Variants in GNAT3 observed in about 807,000 individuals in gnomAD.
GNAT3 encodes the protein guanine nucleotide-binding protein G(t) subunit alpha-3.
Under a neutral mutation model 37.7 loss-of-function variants are expected in GNAT3, and 31 were observed. That is an observed-to-expected ratio of 0.82 (90% CI 0.62 to 1.11). GNAT3 has a LOEUF of 1.11. Among genes scored for constraint, GNAT3 ranks in the 50% most tolerant of loss-of-function variants. The pLI, the probability that GNAT3 is intolerant of heterozygous loss-of-function variation, is 0.00. For missense variants in GNAT3, 437 were observed against 412.5 expected, an observed-to-expected ratio of 1.06 and a Z score of -0.51; for synonymous variants, 138 against 139.8, an observed-to-expected ratio of 0.99 and a Z score of 0.09.
At position 80,497,671 on chromosome 7, in the gene GNAT3, C is replaced by CAT. The variant is rs374712253; in HGVS notation, c.119-3026_119-3025dup. On this transcript the variant is annotated intron_variant, in intron 1 of 7. Coordinates refer to ENST00000398291, the MANE Select transcript of GNAT3 (RefSeq NM_001102386.3). ...ATACGTATATACATATACGTATATA[C>CAT]ATACATATATACACACACACTGTCT... Among the ~76,000 whole-genome samples, 355 of 90,942 alleles carry CAT rather than the reference C, an allele frequency of 3.9e-3. 44 individuals are homozygous for CAT. Among genetic ancestry groups the CAT allele is most frequent in the African/African-American group, 0.022 (208 of 9,328 alleles). The allele number at this position is 90,942 out of a possible 152,430, so 59.7% of individuals were successfully genotyped here. A position where few individuals can be genotyped will look rare whatever the true frequency, so the allele number is the denominator to read the frequency against.
In GNAT3 at chr7:80,459,345, G is replaced by A. The variant is rs190840698; in HGVS notation, c.875-484C>T. Among the ~76,000 whole-genome samples, 342 of 152,202 alleles carry A rather than the reference G, an allele frequency of 2.2e-3. 16 individuals carry two copies. In the South Asian group the frequency reaches 0.058, roughly 26 times the overall value. On this transcript the variant is annotated intron_variant, in intron 7 of 7. Coordinates refer to ENST00000398291, the MANE Select transcript of GNAT3 (RefSeq NM_001102386.3). Reference sequence around the variant, plus strand: ...TAGCACTAGACTTGAGGGTAGGGTCGGGAAACAGACTGAGCTTTGAAGAAT... The same window carrying A: ...TAGCACTAGACTTGAGGGTAGGGTCAGGAAACAGACTGAGCTTTGAAGAAT...
chr7:80,464,373 A>T (rs1040485064), intron 5 of GNAT3, among the ~76,000 whole-genome samples: 3 of 152,118 alleles, frequency 2.0e-5, no homozygotes, highest in Non-Finnish European at 4.4e-5. Context: ...AGCAAAGGTG[A>T]CAGAGGAAAC....
intron 4 of GNAT3, 124 bp from the exon 5 acceptor site, chr7:80,474,503 G>A (rs193069832): frequency 6.8e-5 from 26 of 380,440 alleles, no homozygotes; most frequent in African/African-American, 1.1e-4. Flanking sequence ...TTAACTTTGC[G>A]TTTGAAGAAA....
intron 3 of GNAT3, among the ~76,000 whole-genome samples, chr7:80,480,502 GGAC>G (rs1310652590): frequency 6.6e-6 from 1 of 152,016 alleles, no homozygotes; most frequent in Non-Finnish European, 1.5e-5. Flanking sequence ...AAAGAATTCA[GGAC>G]GAGTCCATAG....
intron 1 of GNAT3, among the ~76,000 whole-genome samples, chr7:80,506,923 CAT>C (rs1186198587): frequency 1.3e-5 from 2 of 151,996 alleles, no homozygotes; most frequent in Non-Finnish European, 2.9e-5. Flanking sequence ...AATACGATGT[CAT>C]TAACTGTAGC....
At chr7:80,486,655 T>TA (rs1790489642) in intron 3 of GNAT3, 1 of 132,934 alleles carries the variant, frequency 7.5e-6, no homozygotes, top group Non-Finnish European at 1.5e-5. Flanking sequence ...TTTTTTTTTT[T>TA]ATAGATACAG....
intron 1 of GNAT3, among the ~76,000 whole-genome samples, chr7:80,498,543 T>C (rs1790775555): frequency 6.6e-6 from 1 of 152,168 alleles, no homozygotes; most frequent in African/African-American, 2.4e-5. Context: ...TTTGGAACTC[T>C]ATTGCAAAGT....
chr7:80,474,521 T>C (rs1790273632), intron 4 of GNAT3, 142 bp from the exon 5 acceptor site: 2 of 375,650 alleles, frequency 5.3e-6, no homozygotes, highest in Non-Finnish European at 9.2e-6. Context: ...AAACCAGGAT[T>C]CAGTAGAAAT....
intron 2 of GNAT3, among the ~76,000 whole-genome samples, chr7:80,493,493 G>T (rs1790633662): frequency 6.6e-6 from 1 of 152,242 alleles, no homozygotes; most frequent in Non-Finnish European, 1.5e-5. Flanking sequence ...TTTCATTATT[G>T]ACTGGCAGGC....
chr7:80,512,012 G>A lies in GNAT3; in HGVS notation c.-86C>T. The A allele has an allele frequency of 1.2e-6, 1 of 852,414 alleles. No homozygotes were observed. The highest frequency in any genetic ancestry group is 1.9e-6 in the Non-Finnish European group (1 of 521,682). The allele number at this position is 852,414 out of a possible 1,614,324, so 52.8% of individuals were successfully genotyped here. ...TGTGGTTTGGACATAGGAGGCAAGA[G>A]TAATGCTCTGCTGAAGTACCTAGCA... On this transcript the variant is annotated 5_prime_UTR_variant, in exon 1 of 8. Transcript: ENST00000398291.
intron 5 of GNAT3, among the ~76,000 whole-genome samples, chr7:80,462,994 G>C (rs78183996): frequency 0.013 from 2,016 of 152,196 alleles, 54 homozygotes; most frequent in East Asian, 0.067. Flanking sequence ...AAGATTGGAA[G>C]TTACTGTAGT....
chr7:80,464,960 T>C (rs1054285904), intron 5 of GNAT3, among the ~76,000 whole-genome samples: 6 of 152,124 alleles, frequency 3.9e-5, no homozygotes, highest in Admixed American at 6.6e-5. Context: ...GAATATTATA[T>C]GTGCTACTAA....
intron 5 of GNAT3, among the ~76,000 whole-genome samples, chr7:80,473,241 T>G (rs1790248826): frequency 6.6e-6 from 1 of 152,168 alleles, no homozygotes; most frequent in Non-Finnish European, 1.5e-5. Flanking sequence ...ATTAACTATT[T>G]GTGGGCCTAA....
chr7:80,492,248 G>A (rs899219926), intron 2 of GNAT3, among the ~76,000 whole-genome samples: 10 of 152,008 alleles, frequency 6.6e-5, no homozygotes, highest in Admixed American at 2.6e-4. Flanking sequence ...GAAGGCTGAG[G>A]CAGGAGAATT....
intron 1 of GNAT3, among the ~76,000 whole-genome samples, chr7:80,500,600 G>T (rs941642766): frequency 6.6e-6 from 1 of 152,008 alleles, no homozygotes; most frequent in Admixed American, 6.6e-5. Context: ...ATAAGTCCTT[G>T]TTCACTATCT....
At chr7:80,476,857 G>GA (rs562919747) in intron 4 of GNAT3, among the ~76,000 whole-genome samples, 69 of 145,042 alleles carry the variant, frequency 4.8e-4, no homozygotes, top group East Asian at 1.0e-3. Context: ...CCTAAGAGCA[G>GA]AAAAAAAAAA....
At chr7:80,488,056 T>C (rs1462581027) in intron 3 of GNAT3, among the ~76,000 whole-genome samples, 4 of 152,120 alleles carry the variant, frequency 2.6e-5, no homozygotes, top group Non-Finnish European at 5.9e-5. Flanking sequence ...CTCCTACAAT[T>C]TGAATTCTTT....
chr7:80,475,162 C>G (rs1403909641), intron 4 of GNAT3, among the ~76,000 whole-genome samples: 4 of 151,874 alleles, frequency 2.6e-5, no homozygotes. Flanking sequence ...TGTCTTTACC[C>G]CTTCCAGGAA....
chr7:80,486,665 G>C (rs1320320194), intron 3 of GNAT3: 3 of 108,662 alleles, frequency 2.8e-5, no homozygotes, highest in Non-Finnish European at 5.3e-5. Flanking sequence ...TATAGATACA[G>C]TGTCTGGTTA....
Sources: allele counts gnomAD v4.1 joint callset (sites outside exome capture counted in the v4.1 genomes callset), GRCh38; gene constraint gnomAD v4.1.1; transcripts MANE v1.5; gene names NCBI Gene and HGNC (gene_info 2026-07-23, HGNC 2026-07-21).